DIP2A: variants seen among roughly 807,000 people sequenced by gnomAD.
The protein encoded by DIP2A is DIP2 acetate--CoA ligase A.
DIP2A carries 85 observed loss-of-function variants against 177.4 expected under a neutral mutation model. The ratio of observed to expected loss-of-function variants is 0.48; its 90% CI spans 0.40 to 0.57. DIP2A has a LOEUF of 0.57. Among genes scored for constraint, DIP2A ranks in the 20% least tolerant of loss-of-function variants. The probability of loss-of-function intolerance (pLI) is 0.00; values close to 1 mark genes in which losing one functional copy is unlikely to be tolerated. For synonymous variants in DIP2A, 886 were observed against 881.8 expected, an observed-to-expected ratio of 1.00 and a Z score of -0.08; for missense variants, 1,791 against 2,100.2, an observed-to-expected ratio of 0.85 and a Z score of 2.88.
chr21:46,480,814 C>G (rs1026218098), intron 1 of DIP2A, among the ~76,000 whole-genome samples: 1 of 152,238 alleles, frequency 6.6e-6, no homozygotes, highest in Non-Finnish European at 1.5e-5. Context: ...CTGTACTGTA[C>G]TGGATTGGAA....
chr21:46,530,501 G>A (rs1314842378), intron 9 of DIP2A, among the ~76,000 whole-genome samples: 2 of 152,172 alleles, frequency 1.3e-5, no homozygotes, highest in African/African-American at 4.8e-5. Context: ...TAAAAAGTGA[G>A]TATTAATATT....
intron 6 of DIP2A, among the ~76,000 whole-genome samples, chr21:46,505,511 A>C (rs2057930764): frequency 6.6e-6 from 1 of 152,152 alleles, no homozygotes; most frequent in Non-Finnish European, 1.5e-5. Flanking sequence ...CGGGAGACTG[A>C]GGCAGGAGAA....
intron 18 of DIP2A, among the ~76,000 whole-genome samples, chr21:46,543,613 G>A (rs2059914674): frequency 6.6e-6 from 1 of 150,760 alleles, no homozygotes. Context: ...TGTACCCCTT[G>A]TTGTGGGACT....
At chr21:46,546,889 G>A (rs756249020) in intron 20 of DIP2A, 26 bp from the exon 21 acceptor site, 2 of 1,612,598 alleles carry the variant, frequency 1.2e-6, no homozygotes, top group Non-Finnish European at 1.7e-6. Flanking sequence ...TGTGGGTGGA[G>A]TCTTGACGCA....
At chr21:46,466,234 C>T (rs1367867076) in intron 1 of DIP2A, among the ~76,000 whole-genome samples, 1 of 150,906 alleles carries the variant, frequency 6.6e-6, no homozygotes, top group Non-Finnish European at 1.5e-5. Flanking sequence ...CACCACGTTA[C>T]AAAGTCATAG....
chr21:46,564,377 G>A (rs1397666063), intron 35 of DIP2A, among the ~76,000 whole-genome samples: 3 of 152,222 alleles, frequency 2.0e-5, no homozygotes, highest in Non-Finnish European at 4.4e-5. Context: ...GGAGCTCAGA[G>A]CCCTTGTCCT....
chr21:46,568,194 A>C lies in DIP2A; in HGVS notation c.*572A>C, dbSNP rs1274339942. The C allele has an allele frequency of 6.6e-6, 1 of 152,248 alleles. No homozygotes were observed. Among genetic ancestry groups the C allele is most frequent in the African/African-American group, 2.4e-5 (1 of 41,450 alleles). The allele number at this position is 152,248 out of a possible 1,614,324, so 9.4% of individuals were successfully genotyped here. A position where few individuals can be genotyped will look rare whatever the true frequency, so the allele number is the denominator to read the frequency against. On this transcript the variant is annotated 3_prime_UTR_variant, in exon 38 of 38. Transcript: ENST00000417564. ...TGCTCACAGAGGGCACTGTGGTCAC[A>C]CACAGTGCCTCCTCTGCCAGTTCCT...
chr21:46,569,332 T>C lies in DIP2A; in HGVS notation c.*1710T>C, dbSNP rs183720502. 3.9e-4 allele frequency: 59 copies of C among 152,306 alleles called. No homozygotes were observed. Among genetic ancestry groups the C allele is most frequent in the African/African-American group, 1.4e-3 (58 of 41,568 alleles). 9.4% of individuals were successfully genotyped at this position (152,306 alleles called of 1,614,324 possible). A position where few individuals can be genotyped will look rare whatever the true frequency, so the allele number is the denominator to read the frequency against. ...TAGTAGCCCTGTTTCCCCATGGTGT[T>C]GGACTGTGGTAAAGTATGTTGTGAC... is the stretch of plus-strand genomic sequence containing the variant. On this transcript the variant is annotated 3_prime_UTR_variant, in exon 38 of 38. Coordinates refer to ENST00000417564, the MANE Select transcript of DIP2A (RefSeq NM_015151.4).
intron 34 of DIP2A, among the ~76,000 whole-genome samples, chr21:46,562,148 A>C (rs961412536): frequency 7.9e-5 from 12 of 152,162 alleles, no homozygotes; most frequent in African/African-American, 2.9e-4. Context: ...AGTTAAATGG[A>C]GTGGCCCTGG....
In DIP2A at chr21:46,461,271, C is replaced by CAAAAAAAAAAAAAAAAAA. The variant is rs60346777; in HGVS notation, c.91+2054_91+2071dup. On this transcript the variant is annotated intron_variant, in intron 1 of 37. Coordinates refer to ENST00000417564, the MANE Select transcript of DIP2A (RefSeq NM_015151.4). ...AGAGCGAGAACCTGTCTCTTCTCAC[C>CAAAAAAAAAAAAAAAAAA]AAAAAAAAAAAAAAAAAAAAAAGGA... 2.3e-3 allele frequency among the ~76,000 whole-genome samples: 111 copies of CAAAAAAAAAAAAAAAAAA among 49,318 alleles called. 22 individuals carry two copies. The highest frequency in any genetic ancestry group is 4.6e-3 in the East Asian group (5 of 1,084). 32.4% of individuals were successfully genotyped at this position (49,318 alleles called of 152,430 possible). A position where few individuals can be genotyped will look rare whatever the true frequency, so the allele number is the denominator to read the frequency against.
chr21:46,511,152 A>C lies in DIP2A; in HGVS notation c.905-265A>C, dbSNP rs900234877. Among the ~76,000 whole-genome samples, 4 of 152,136 alleles carry C rather than the reference A, an allele frequency of 2.6e-5. No homozygotes were observed. In the East Asian group the frequency reaches 7.8e-4, roughly 30 times the overall value. On this transcript the variant is annotated intron_variant, in intron 7 of 37. Coordinates refer to ENST00000417564, the MANE Select transcript of DIP2A (RefSeq NM_015151.4). Reference sequence around the variant, plus strand: ...AGTTGGGAAAGTGGGAACCACTCCAAGGTCACCTTTGTCTGTGAGGTTGTG... The same window carrying C: ...AGTTGGGAAAGTGGGAACCACTCCACGGTCACCTTTGTCTGTGAGGTTGTG...
rs751780675 is a variant in DIP2A, at chr21:46,534,551, A to G, written c.1540-34A>G. The G allele has an allele frequency of 9.4e-6, 15 of 1,590,150 alleles. No individual in the cohort carries two copies. The Admixed American group carries it at 2.5e-4, about 27-fold the overall frequency. ...TCTGTCTGTTGTCACCTCTAGAAAT[A>G]CCACATCATGTTTTTTTCCTTGAAA... is the stretch of plus-strand genomic sequence containing the variant. On this transcript the variant is annotated intron_variant, in intron 12 of 37. Coordinates refer to ENST00000417564, the MANE Select transcript of DIP2A (RefSeq NM_015151.4).
chr21:46,488,923 G>A (rs1399382203), intron 2 of DIP2A, among the ~76,000 whole-genome samples: 1 of 152,208 alleles, frequency 6.6e-6, no homozygotes, highest in East Asian at 1.9e-4. Flanking sequence ...GTCCGTCTGT[G>A]TATATGTCAC....
chr21:46,533,562 C>T lies in DIP2A; in HGVS notation c.1344C>T (p.Ser448=), dbSNP rs376220638. 1 of 1,613,998 alleles carries T rather than the reference C, an allele frequency of 6.2e-7. No homozygotes were observed. The highest frequency in any genetic ancestry group is 8.5e-7 in the Non-Finnish European group (1 of 1,179,884). Residue 448 remains serine (S), a synonymous_variant, in exon 11 of 38, where the codon AGC becomes AGT. Transcript: ENST00000417564. ...AGCAGGTTGGGTTTCTGCTGGGCAG[C>T]TGTGGAGTCTTCTTGGCCCTGACCA... ...GSQQVGFLLG[S]CGVFLALTTD... is the part of the protein sequence containing the mutation.
At chr21:46,508,090 C>T (rs1302720514) in intron 6 of DIP2A, among the ~76,000 whole-genome samples, 1 of 150,986 alleles carries the variant, frequency 6.6e-6, no homozygotes, top group Non-Finnish European at 1.5e-5. Flanking sequence ...CTGGAGTTCA[C>T]TGACATGATC....
chr21:46,511,376 G>T, intron 7 of DIP2A, 41 bp from the exon 8 acceptor site: 1 of 1,547,320 alleles, frequency 6.5e-7, no homozygotes, highest in Non-Finnish European at 8.8e-7. Flanking sequence ...TGTTCGTGGT[G>T]CTCTGAATTG....
At chr21:46,488,407 G>A (rs1037770617) in intron 2 of DIP2A, among the ~76,000 whole-genome samples, 3 of 152,158 alleles carry the variant, frequency 2.0e-5, no homozygotes, top group Non-Finnish European at 2.9e-5. Flanking sequence ...CCCTAGAAAT[G>A]AGAACATTTC....
chr21:46,539,084 G>A (rs980110068), intron 16 of DIP2A: 4 of 181,386 alleles, frequency 2.2e-5, no homozygotes, highest in Non-Finnish European at 4.6e-5. Flanking sequence ...GGCCTCCTGC[G>A]TACGGTGGTC....
Position 46,498,553 on chromosome 21 carries a change from C to T in DIP2A, c.404-29C>T, listed in dbSNP as rs1484944656. 6.3e-7 allele frequency: 1 copy of T among 1,581,454 alleles called. No homozygotes were observed. The highest frequency in any genetic ancestry group is 1.2e-5 in the South Asian group (1 of 85,792). On this transcript the variant is annotated intron_variant, in intron 4 of 37. Transcript: ENST00000417564. This position sits in a 1 kb window ranked among gnomAD's most constrained non-coding sequence, Gnocchi z 4.3. ...TCCTCCTCTTGACTCATCCCGATAT[C>T]ATGCCTGTCATCGTTATTTTAACCA...
Sources: gnomAD v4.1 joint callset for allele counts (sites outside exome capture counted in the v4.1 genomes callset) on GRCh38, gnomAD v4.1.1 for gene constraint, Gnocchi (gnomAD v3.1) non-coding constraint, MANE v1.5 for transcripts, NCBI Gene and HGNC (gene_info 2026-07-23, HGNC 2026-07-21) for gene names.